The following CALML4 variants were observed in gnomAD, a reference collection of about 807,000 sequenced individuals.
CALML4 encodes calmodulin like 4, also known as calmodulin-like protein 4.
Under a neutral mutation model 17.9 loss-of-function variants are expected in CALML4, and 16 were observed. The observed-to-expected ratio is 0.89, with a 90% CI of 0.61 to 1.36. The LOEUF is 1.36. Ranked by LOEUF, CALML4 falls within the 40% of genes most tolerant of loss-of-function variation. The pLI is 0.00. For synonymous variants in CALML4, 86 were observed against 71.5 expected (o/e 1.20, Z -1.02); for missense variants, 203 against 194.8 (o/e 1.04, Z -0.25).
Position 68,193,721 on chromosome 15 carries a change from C to T in CALML4, c.*294G>A, listed in dbSNP as rs1168600361. The T allele has an allele frequency of 3.2e-6, 1 of 314,552 alleles. No individual in the cohort carries two copies. The highest frequency in any genetic ancestry group is 5.9e-6 in the Non-Finnish European group (1 of 168,210). 19.5% of individuals were successfully genotyped at this position (314,552 alleles called of 1,614,324 possible). ...ATTTGCCCAAAGTCACAGTGGGAAGCAGCAGAGCCAGGACTGGAACCCAGG... is the reference window on the plus strand; with the variant it reads ...ATTTGCCCAAAGTCACAGTGGGAAGTAGCAGAGCCAGGACTGGAACCCAGG... On this transcript the variant is annotated 3_prime_UTR_variant, in exon 5 of 5. Transcript: ENST00000467889.
chr15:68,197,599 A>G lies in CALML4; in HGVS notation c.205T>C (p.Phe69Leu). ...DGNGELDFSTFLTIMHMQIKQ... is the reference protein window; with the variant it reads ...DGNGELDFSTLLTIMHMQIKQ... ...ATTTGCATGTGCATAATGGTCAGAA[A>G]AGTGGAGAAATCCAGCTCTCCATTT... The change falls in exon 4 of 5, where the codon TTT becomes CTT. Residue 69 changes from phenylalanine to leucine, a missense_variant. Transcript: ENST00000467889. This position sits in a 1 kb window ranked among gnomAD's most constrained non-coding sequence, Gnocchi z 4.1. 3.7e-6 allele frequency: 6 copies of G among 1,614,090 alleles called. No homozygotes were observed. The highest frequency in any genetic ancestry group is 4.2e-6 in the Non-Finnish European group (5 of 1,180,000).
chr15:68,196,117 C>G (rs565574917), intron 4 of CALML4, among the ~76,000 whole-genome samples: 3 of 152,186 alleles, frequency 2.0e-5, no homozygotes, highest in African/African-American at 4.8e-5. Context: ...GGCGCAAGCT[C>G]GGCTCACTGC....
rs2093126318 is a variant in CALML4 at position 68,192,764 on chromosome 15, A to C, written c.*1251T>G. The C allele has an allele frequency of 6.6e-6, 1 of 152,224 alleles. No individual in the cohort carries two copies. The allele number at this position is 152,224 out of a possible 1,614,324, so 9.4% of individuals were successfully genotyped here. On this transcript the variant is annotated 3_prime_UTR_variant, in exon 5 of 5. Transcript: ENST00000467889. ...ATTTGATTTGGTTTTCTTCTACTTT[A>C]GCCACTGTGGTACTACTAGACAAAG...
intron 3 of CALML4, among the ~76,000 whole-genome samples, chr15:68,199,321 T>C (rs1387199245): frequency 6.6e-6 from 1 of 152,128 alleles, no homozygotes; most frequent in African/African-American, 2.4e-5. Context: ...TTGGAACGCC[T>C]AGATCCCGAG....
At chr15:68,205,826 G>A (rs2093182080), upstream of CALML4, 3 of 192,758 alleles carry the variant, frequency 1.6e-5, no homozygotes, top group Admixed American at 5.3e-5. The surrounding 1 kb of genome is among the most constrained non-coding windows in gnomAD (Gnocchi z 4.8). Context: ...GACTTGCTGA[G>A]TGACTGGCGA....
Position 68,197,472 on chromosome 15 carries a change from G to T in CALML4, c.332C>A (p.Thr111Lys), listed in dbSNP as rs2280217. The T allele has an allele frequency of 8.4e-3, 13,607 of 1,614,078 alleles. 85 individuals are homozygous for T. Among genetic ancestry groups the T allele is most frequent in the East Asian group, 0.035 (1,586 of 44,854 alleles). Residue 111 changes from threonine (T) to lysine (K), a missense_variant, in exon 4 of 5, where the codon ACG becomes AAG. Transcript: ENST00000467889. This position sits in a 1 kb window ranked among gnomAD's most constrained non-coding sequence, Gnocchi z 4.1. Reference sequence around the variant, plus strand: ...GTGGGTGAGCTTCTCCCCCAGACTCGTGAGTTTTGACCGCAGGTCGGACGC... The same window carrying T: ...GTGGGTGAGCTTCTCCCCCAGACTCTTGAGTTTTGACCGCAGGTCGGACGC... Reference protein sequence around the residue: ...VMASDLRSKLTSLGEKLTHKE... With the variant: ...VMASDLRSKLKSLGEKLTHKE...
At chr15:68,202,053 A>G (rs1202238199) in intron 2 of CALML4, among the ~76,000 whole-genome samples, 1 of 152,240 alleles carries the variant, frequency 6.6e-6, no homozygotes, top group Non-Finnish European at 1.5e-5. Flanking sequence ...AAGGGACACA[A>G]ACATTTGTTG....
chr15:68,195,977 C>T (rs1158856650), intron 4 of CALML4, among the ~76,000 whole-genome samples: 2 of 152,148 alleles, frequency 1.3e-5, no homozygotes, highest in African/African-American at 2.4e-5. Flanking sequence ...CCCATGTCTT[C>T]CCTATCCATG....
intron 2 of CALML4, among the ~76,000 whole-genome samples, chr15:68,203,349 CAATGAATG>C (rs2141130615): frequency 6.6e-6 from 1 of 152,320 alleles, no homozygotes; most frequent in South Asian, 2.1e-4. Context: ...ATTCTTTTTC[CAATGAATG>C]AATGGTCATT....
At position 68,200,431 on chromosome 15, in the gene CALML4, T is replaced by G. The variant is rs1355808670; in HGVS notation, c.35-750A>C. On this transcript the variant is annotated intron_variant, in intron 2 of 4. Transcript: ENST00000467889. The surrounding 1 kb of genome is among the most constrained non-coding windows in gnomAD (Gnocchi z 4.3). ...AAGCCCTTTCTCCTTCGGTACTTGG[T>G]GGAGGTGGAAGGCAGCCGGAGCTAG... Among the ~76,000 whole-genome samples the G allele has an allele frequency of 6.6e-6, 1 of 152,048 alleles. No individual in the cohort carries two copies. Among genetic ancestry groups the G allele is most frequent in the African/African-American group, 2.4e-5 (1 of 41,416 alleles).
intron 4 of CALML4, among the ~76,000 whole-genome samples, chr15:68,195,635 A>G (rs534628564): frequency 6.6e-6 from 1 of 152,066 alleles, no homozygotes; most frequent in East Asian, 1.9e-4. Context: ...GCCTCAGGAG[A>G]AGGCTTCACC....
At chr15:68,195,846 T>C (rs942795503) in intron 4 of CALML4, among the ~76,000 whole-genome samples, 3 of 152,124 alleles carry the variant, frequency 2.0e-5, no homozygotes, top group Admixed American at 6.6e-5. Flanking sequence ...TCTGGGGCCA[T>C]GGCATTGCTT....
Position 68,197,059 on chromosome 15 carries a change from C to G in CALML4, c.364+381G>C, listed in dbSNP as rs565057456. Among the ~76,000 whole-genome samples, 1 of 152,182 alleles carries G rather than the reference C, an allele frequency of 6.6e-6. No homozygotes were observed. The highest frequency in any genetic ancestry group is 1.5e-5 in the Non-Finnish European group (1 of 68,012). On this transcript the variant is annotated intron_variant, in intron 4 of 4. Transcript: ENST00000467889. The surrounding 1 kb of genome is among the most constrained non-coding windows in gnomAD (Gnocchi z 4.1). Reference sequence around the variant, plus strand: ...CGCCGCTGCTTGGGAGCCGCTCACTCCCCCTGCTTCTTTATCAGTAGGAGC... The same window carrying G: ...CGCCGCTGCTTGGGAGCCGCTCACTGCCCCTGCTTCTTTATCAGTAGGAGC...
Position 68,192,952 on chromosome 15 carries a change from C to G in CALML4, c.*1063G>C, listed in dbSNP as rs1019105401. ...ACAAGTGTATGGCACCTCTGAATCTCTGGCAGCACCAACCTGGCACCTTCT... is the reference window on the plus strand; with the variant it reads ...ACAAGTGTATGGCACCTCTGAATCTGTGGCAGCACCAACCTGGCACCTTCT... On this transcript the variant is annotated 3_prime_UTR_variant, in exon 5 of 5. Coordinates refer to ENST00000467889, the MANE Select transcript of CALML4 (RefSeq NM_033429.3). The G allele has an allele frequency of 1.3e-5, 2 of 152,286 alleles. No homozygotes were observed. The highest frequency in any genetic ancestry group is 4.8e-5 in the African/African-American group (2 of 41,458). The allele number at this position is 152,286 out of a possible 1,614,324, so 9.4% of individuals were successfully genotyped here. A position where few individuals can be genotyped will look rare whatever the true frequency, so the allele number is the denominator to read the frequency against.
At position 68,204,995 on chromosome 15, in the gene CALML4, G is replaced by A. The variant is rs1243924755; in HGVS notation, c.34+126C>T. The A allele has an allele frequency of 4.5e-6, 5 of 1,103,262 alleles. No homozygotes were observed. Among genetic ancestry groups the A allele is most frequent in the East Asian group, 4.8e-5 (2 of 42,032 alleles). The allele number at this position is 1,103,262 out of a possible 1,614,324, so 68.3% of individuals were successfully genotyped here. On this transcript the variant is annotated intron_variant, in intron 2 of 4. Transcript: ENST00000467889. The surrounding 1 kb of genome is among the most constrained non-coding windows in gnomAD (Gnocchi z 6.0). Reference sequence around the variant, plus strand: ...CAACAGCAGCCTCCCCGCAGCTCTTGGCCCTGGGTGGGCCCAGCTCTCCCA... The same window carrying A: ...CAACAGCAGCCTCCCCGCAGCTCTTAGCCCTGGGTGGGCCCAGCTCTCCCA...
chr15:68,203,701 G>A (rs774040614), intron 2 of CALML4, among the ~76,000 whole-genome samples: 4 of 152,170 alleles, frequency 2.6e-5, no homozygotes, highest in African/African-American at 9.7e-5. Context: ...GTGGCTCGCA[G>A]CAGCCTGGTA....
At chr15:68,205,515 A>G (rs897349407), upstream of CALML4, 2 of 1,047,842 alleles carry the variant, frequency 1.9e-6, no homozygotes, top group South Asian at 3.1e-5. This position sits in a 1 kb window ranked among gnomAD's most constrained non-coding sequence, Gnocchi z 4.8. Context: ...CTGCCTCCAG[A>G]AGCCGAAGCA....
Position 68,197,310 on chromosome 15 carries a change from T to G in CALML4, c.364+130A>C. 1.2e-6 allele frequency: 1 copy of G among 815,966 alleles called. No homozygotes were observed. Among genetic ancestry groups the G allele is most frequent in the Admixed American group, 2.7e-5 (1 of 37,394 alleles). 50.5% of individuals were successfully genotyped at this position (815,966 alleles called of 1,614,324 possible). A position where few individuals can be genotyped will look rare whatever the true frequency, so the allele number is the denominator to read the frequency against. ...AGCACCCACCTAGTGTGGCATCTGCTCACAGTCTCCTGCGCGCGCATCAAC... is the reference window on the plus strand; with the variant it reads ...AGCACCCACCTAGTGTGGCATCTGCGCACAGTCTCCTGCGCGCGCATCAAC... On this transcript the variant is annotated intron_variant, in intron 4 of 4. Transcript: ENST00000467889. The surrounding 1 kb of genome is among the most constrained non-coding windows in gnomAD (Gnocchi z 4.1).
chr15:68,191,559 C>G lies in CALML4; in HGVS notation c.*2456G>C, dbSNP rs182397922. The G allele has an allele frequency of 9.8e-5, 15 of 152,750 alleles. No homozygotes were observed. The highest frequency in any genetic ancestry group is 3.6e-4 in the African/African-American group (15 of 41,578). 9.5% of individuals were successfully genotyped at this position (152,750 alleles called of 1,614,324 possible). The stretch of plus-strand genomic sequence containing the variant: ...TTGTGCTTCCAAAGCACCTTTCATC[C>G]AGAGATTTCAAAGCATGACAAGTAA... On this transcript the variant is annotated 3_prime_UTR_variant, in exon 5 of 5. Transcript: ENST00000467889.
Sources: gnomAD v4.1 joint callset for allele counts (sites outside exome capture counted in the v4.1 genomes callset) on GRCh38, gnomAD v4.1.1 for gene constraint, Gnocchi (gnomAD v3.1) non-coding constraint, MANE v1.5 for transcripts, NCBI Gene and HGNC (gene_info 2026-07-23, HGNC 2026-07-21) for gene names.